The following SELENOO variants were observed in gnomAD, a reference collection of about 807,000 sequenced individuals.
SELENOO encodes selenoprotein O.
In SELENOO, 74 loss-of-function variants were observed where a neutral mutation model predicts 58.7. The ratio of observed to expected loss-of-function variants is 1.26; its 90% CI spans 1.04 to 1.53. The LOEUF is 1.53. SELENOO is among the 40% of genes most tolerant of loss of function. The pLI, the probability that SELENOO is intolerant of heterozygous loss-of-function variation, is 0.00. For synonymous variants in SELENOO, 543 were observed against 453.2 expected (o/e 1.20, Z -2.52); for missense variants, 1,149 against 970.0 (o/e 1.18, Z -2.45).
chr22:50,209,090 C>T, intron 3 of SELENOO: 1 of 188,736 alleles, frequency 5.3e-6, no homozygotes, highest in Admixed American at 5.8e-5. Flanking sequence ...TGGGGAGATG[C>T]TGAGTGCCCA....
Position 50,210,880 on chromosome 22 carries a change from G to A in SELENOO, c.1320G>A (p.Val440=), listed in dbSNP as rs551256883. The change falls in exon 5 of 9, where the codon GTG becomes GTA. Residue 440 remains valine (V), a synonymous_variant. Coordinates refer to ENST00000380903, the MANE Select transcript of SELENOO (RefSeq NM_031454.2). ...QVELEEDGAL[V]SKLLETMHLT... is the part of the protein sequence containing the mutation. Reference sequence around the variant, plus strand: ...AGCTGGAGGAAGACGGGGCGCTGGTGTCCAAGCTCCTGGAGACCATGCATC... The same window carrying A: ...AGCTGGAGGAAGACGGGGCGCTGGTATCCAAGCTCCTGGAGACCATGCATC... The A allele has an allele frequency of 5.6e-6, 9 of 1,614,142 alleles. No individual in the cohort carries two copies. The East Asian group carries it at 1.8e-4, about 32-fold the overall frequency.
At chr22:50,202,032 C>G (rs1381538913) in intron 1 of SELENOO, among the ~76,000 whole-genome samples, 1 of 152,202 alleles carries the variant, frequency 6.6e-6, no homozygotes, top group Non-Finnish European at 1.5e-5. Context: ...GTTTAGATTT[C>G]TGTGGGGGGG....
At chr22:50,212,431 T>G (rs1479203167) in intron 5 of SELENOO, among the ~76,000 whole-genome samples, 1 of 152,232 alleles carries the variant, frequency 6.6e-6, no homozygotes, top group African/African-American at 2.4e-5. Flanking sequence ...TGGCATATAA[T>G]TGTTCGTAGC....
chr22:50,202,646 TAAAA>T (rs2064310359), intron 1 of SELENOO, among the ~76,000 whole-genome samples: 1 of 152,204 alleles, frequency 6.6e-6, no homozygotes, highest in African/African-American at 2.4e-5. Context: ...ATTTTAAAGT[TAAAA>T]AGACAATTTT....
chr22:50,217,267 C>CGT lies in SELENOO; in HGVS notation c.1909_1910insTG (p.Ala637ValfsTer30). On this transcript the variant is annotated frameshift_variant, in exon 9 of 9. Coordinates refer to ENST00000380903, the MANE Select transcript of SELENOO (RefSeq NM_031454.2). LOFTEE classifies it low-confidence loss of function (END_TRUNC). ...ACTGCGAGGCGGGGGCCGCCACAGACGCCGAGGCCACGGAAGCCGACGGGG... is the reference window on the plus strand; with the variant it reads ...ACTGCGAGGCGGGGGCCGCCACAGACGTGCCGAGGCCACGGAAGCCGACGGGG... The CGT allele has an allele frequency of 6.2e-7, 1 of 1,612,120 alleles. No homozygotes were observed. Among genetic ancestry groups the CGT allele is most frequent in the South Asian group, 1.1e-5 (1 of 91,048 alleles).
chr22:50,216,848 C>T lies in SELENOO; in HGVS notation c.1660C>T (p.His554Tyr), dbSNP rs1251219731. The T allele has an allele frequency of 2.5e-6, 4 of 1,608,428 alleles. No individual in the cohort carries two copies. Among genetic ancestry groups the T allele is most frequent in the South Asian group, 2.2e-5 (2 of 91,052 alleles). The change falls in exon 7 of 9, where the codon CAC becomes TAC. Residue 554 changes from histidine to tyrosine, a missense_variant. His to Tyr is a moderately conservative substitution (Grantham distance 83). Coordinates refer to ENST00000380903, the MANE Select transcript of SELENOO (RefSeq NM_031454.2). ...AAELQSRNQGHWADWLQAYRA... is the reference protein window; with the variant it reads ...AAELQSRNQGYWADWLQAYRA... The stretch of plus-strand genomic sequence containing the variant: ...AGAGCTGCAGAGCAGGAACCAGGGC[C>T]ACTGGGCTGACTGGCTACAGGCGTA...
At chr22:50,215,213 C>T (rs546392404) in intron 5 of SELENOO, among the ~76,000 whole-genome samples, 3 of 152,296 alleles carry the variant, frequency 2.0e-5, no homozygotes, top group South Asian at 2.1e-4. Context: ...TCTCAACACT[C>T]GCTAGCTCCC....
intron 1 of SELENOO, among the ~76,000 whole-genome samples, chr22:50,202,127 G>T (rs1390577263): frequency 2.6e-5 from 4 of 152,240 alleles, no homozygotes. Flanking sequence ...CCTGCCTCCT[G>T]TGTATAGACA....
In SELENOO at chr22:50,201,152, A is replaced by G; in HGVS notation, c.116A>G (p.Glu39Gly). The change falls in exon 1 of 9, where the codon GAG becomes GGG. Residue 39 changes from glutamate to glycine, a missense_variant. By Grantham distance (98) the Glu-to-Gly change is moderately conservative. Transcript: ENST00000380903. ...TCTACGTTGTCGGGCGCCGCCATGGAGCCCGCGCCTCGCTGGCTGGCGGGG... is the reference window on the plus strand; with the variant it reads ...TCTACGTTGTCGGGCGCCGCCATGGGGCCCGCGCCTCGCTGGCTGGCGGGG... ...PRSTLSGAAMEPAPRWLAGLR... is the reference protein window; with the variant it reads ...PRSTLSGAAMGPAPRWLAGLR... 7.9e-7 allele frequency: 1 copy of G among 1,264,900 alleles called. No individual in the cohort carries two copies. Among genetic ancestry groups the G allele is most frequent in the African/African-American group, 1.6e-5 (1 of 63,714 alleles). The allele number at this position is 1,264,900 out of a possible 1,614,324, so 78.4% of individuals were successfully genotyped here.
chr22:50,201,064 G>T lies in SELENOO; in HGVS notation c.28G>T (p.Ala10Ser). MAVYRAALG[A>S]SLAAARLLPL... is the part of the protein sequence containing the mutation. ...GGCCGTATACAGGGCAGCGCTCGGG[G>T]CTTCGCTCGCGGCTGCCCGACTCTT... The change falls in exon 1 of 9, where the codon GCT (alanine) becomes TCT (serine). Residue 10 changes from alanine (A) to serine (S), a missense_variant. By Grantham distance (99) the Ala-to-Ser change is moderately conservative. Coordinates refer to ENST00000380903, the MANE Select transcript of SELENOO (RefSeq NM_031454.2). 1 of 1,358,332 alleles carries T rather than the reference G, an allele frequency of 7.4e-7. No individual in the cohort carries two copies. Among genetic ancestry groups the T allele is most frequent in the Non-Finnish European group, 9.5e-7 (1 of 1,055,766 alleles). 84.1% of individuals were successfully genotyped at this position (1,358,332 alleles called of 1,614,324 possible). A position where few individuals can be genotyped will look rare whatever the true frequency, so the allele number is the denominator to read the frequency against.
At position 50,206,343 on chromosome 22, in the gene SELENOO, G is replaced by A. The variant is rs769253863; in HGVS notation, c.581G>A (p.Arg194Gln). 1.4e-5 allele frequency: 22 copies of A among 1,614,006 alleles called. No individual in the cohort carries two copies. The highest frequency in any genetic ancestry group is 8.3e-5 in the Admixed American group (5 of 60,024). ...SRQADGRKVL[R>Q]SSIREFLCSE... The stretch of plus-strand genomic sequence containing the variant: ...CAGGCCGACGGTCGCAAGGTCCTAC[G>A]GTCAAGCATCCGGGAGTTTCTATGC... The change falls in exon 2 of 9, where the codon CGG (arginine) becomes CAG (glutamine). Residue 194 changes from arginine to glutamine, a missense_variant. Transcript: ENST00000380903.
intron 1 of SELENOO, among the ~76,000 whole-genome samples, chr22:50,202,754 A>T (rs975376459): frequency 6.6e-6 from 1 of 152,138 alleles, no homozygotes; most frequent in Non-Finnish European, 1.5e-5. Flanking sequence ...CTGCTAGAAT[A>T]TATTTTCTCC....
chr22:50,201,031 C>T lies in SELENOO; in HGVS notation c.-6C>T, dbSNP rs1438415601. On this transcript the variant is annotated 5_prime_UTR_variant, in exon 1 of 9. Coordinates refer to ENST00000380903, the MANE Select transcript of SELENOO (RefSeq NM_031454.2). ...AGGCTGGCTTCCGGCGGGAGCGGGG[C>T]CGCGGATGGCCGTATACAGGGCAGC... 12 of 1,249,888 alleles carry T rather than the reference C, an allele frequency of 9.6e-6. No homozygotes were observed. Among genetic ancestry groups the T allele is most frequent in the South Asian group, 5.5e-5 (2 of 36,204 alleles). 77.4% of individuals were successfully genotyped at this position (1,249,888 alleles called of 1,614,324 possible).
chr22:50,216,947 C>CTCCAGAGCCCGGATGTCAT lies in SELENOO; in HGVS notation c.1689-12_1695dup, dbSNP rs759705119. On this transcript the variant is annotated intron_variant, in intron 7 of 8. Transcript: ENST00000380903. ...TGGAAAAAGTCCAGCCCGGCTGTGA[C>CTCCAGAGCCCGGATGTCAT]TCCAGAGCCCGGATGTCATTCCAGA... 9 of 1,605,136 alleles carry CTCCAGAGCCCGGATGTCAT rather than the reference C, an allele frequency of 5.6e-6. No homozygotes were observed. The East Asian group carries it at 6.7e-5, about 12-fold the overall frequency.
chr22:50,208,360 T>C (rs904827315), intron 2 of SELENOO, 176 bp from the exon 3 acceptor site: 8 of 534,110 alleles, frequency 1.5e-5, no homozygotes, highest in African/African-American at 1.4e-4. Flanking sequence ...AACCCAGAAG[T>C]TGGAGGTTGT....
At chr22:50,211,423 G>A (rs899572873) in intron 5 of SELENOO, among the ~76,000 whole-genome samples, 4 of 152,294 alleles carry the variant, frequency 2.6e-5, no homozygotes, top group Middle Eastern at 3.4e-3. Flanking sequence ...TAGCTAGGAC[G>A]TGTATGTTGA....
chr22:50,213,883 C>G (rs149692345), intron 5 of SELENOO, among the ~76,000 whole-genome samples: 1 of 152,010 alleles, frequency 6.6e-6, no homozygotes, highest in Non-Finnish European at 1.5e-5. Flanking sequence ...CGCCTGACCT[C>G]GTGATCCACC....
At position 50,216,081 on chromosome 22, in the gene SELENOO, G is replaced by C. The variant is rs1029153958; in HGVS notation, c.1502+214G>C. On this transcript the variant is annotated intron_variant, in intron 6 of 8. Coordinates refer to ENST00000380903, the MANE Select transcript of SELENOO (RefSeq NM_031454.2). Reference sequence around the variant, plus strand: ...AGAGTGGCGAGGCTGACACAGGTGTGGGGGCAGACAGTGGTCTCTGCTGTG... The same window carrying C: ...AGAGTGGCGAGGCTGACACAGGTGTCGGGGCAGACAGTGGTCTCTGCTGTG... 4.6e-5 allele frequency among the ~76,000 whole-genome samples: 7 copies of C among 152,308 alleles called. No homozygotes were observed. In the East Asian group the frequency reaches 1.4e-3, roughly 29 times the overall value.
chr22:50,206,245 G>C (rs1382937031), intron 1 of SELENOO, 72 bp from the exon 2 acceptor site: 1 of 1,372,924 alleles, frequency 7.3e-7, no homozygotes, highest in Admixed American at 1.7e-5. Flanking sequence ...TCCTTTCCAT[G>C]TGCTGCCCGG....
Sources: allele counts gnomAD v4.1 joint callset (sites outside exome capture counted in the v4.1 genomes callset), GRCh38; gene constraint gnomAD v4.1.1; transcripts MANE v1.5; gene names NCBI Gene and HGNC (gene_info 2026-07-23, HGNC 2026-07-21).